TENM3: variants seen among roughly 807,000 people sequenced by gnomAD.
TENM3 encodes the protein teneurin-3.
TENM3 carries 63 observed loss-of-function variants against 255.1 expected under a neutral mutation model. That is an observed-to-expected ratio of 0.25 (90% CI 0.20 to 0.30). TENM3 has a LOEUF of 0.30. TENM3 is among the 10% of genes least tolerant of loss of function. TENM3 has a pLI of 1.00. For synonymous variants in TENM3, 1,306 were observed against 1,322.3 expected, an observed-to-expected ratio of 0.99 and a Z score of 0.27; for missense variants, 2,929 against 3,461.1, an observed-to-expected ratio of 0.85 and a Z score of 3.86.
chr4:182,638,779 A>G (rs1752060176), intron 5 of TENM3, among the ~76,000 whole-genome samples: 1 of 152,098 alleles, frequency 6.6e-6, no homozygotes, highest in South Asian at 2.1e-4. Context: ...TACTTTAGCC[A>G]CTGCCTGATC....
At chr4:181,783,575 A>G in the TENM3 span, among the ~76,000 whole-genome samples, 1 of 152,160 alleles carries the variant, frequency 6.6e-6, no homozygotes, top group Non-Finnish European at 1.5e-5. Context: ...CCCATCCTAA[A>G]AGTTCCATGA....
the TENM3 span, among the ~76,000 whole-genome samples, chr4:182,071,824 A>T: frequency 6.6e-6 from 1 of 152,166 alleles, no homozygotes; most frequent in Non-Finnish European, 1.5e-5. Flanking sequence ...GATGGTTCTT[A>T]ATCACTTCTC....
chr4:181,513,973 T>G, the TENM3 span, among the ~76,000 whole-genome samples: 1 of 152,282 alleles, frequency 6.6e-6, no homozygotes, highest in East Asian at 1.9e-4. Flanking sequence ...TACTAGAAAA[T>G]AATTTTCCAC....
chr4:181,963,164 T>A, the TENM3 span, among the ~76,000 whole-genome samples: 1 of 152,240 alleles, frequency 6.6e-6, no homozygotes. Context: ...TTGGCCATAC[T>A]GCTTCTACAA....
chr4:182,365,945 A>T (rs1766405484), intron 3 of TENM3, among the ~76,000 whole-genome samples: 1 of 152,224 alleles, frequency 6.6e-6, no homozygotes, highest in South Asian at 2.1e-4. Context: ...GTATTTGTGT[A>T]TCTACACCTA....
chr4:182,752,404 G>T (rs974371348), intron 20 of TENM3, among the ~76,000 whole-genome samples: 1 of 152,050 alleles, frequency 6.6e-6, no homozygotes, highest in Non-Finnish European at 1.5e-5. Context: ...ATGAGTCCCA[G>T]GCTTCTTTAA....
chr4:181,809,117 C>T, the TENM3 span, among the ~76,000 whole-genome samples: 1 of 152,150 alleles, frequency 6.6e-6, no homozygotes, highest in Non-Finnish European at 1.5e-5. Context: ...ACAGGAGTGG[C>T]TTCAATGATT....
chr4:182,330,314 C>T (rs1225389707), intron 2 of TENM3, among the ~76,000 whole-genome samples: 2 of 152,098 alleles, frequency 1.3e-5, no homozygotes, highest in Non-Finnish European at 2.9e-5. Context: ...GAAGAGGGGA[C>T]AGTCATGGGG....
the TENM3 span, among the ~76,000 whole-genome samples, chr4:181,558,115 C>T: frequency 6.6e-6 from 1 of 152,174 alleles, no homozygotes; most frequent in East Asian, 1.9e-4. Flanking sequence ...TGCCTGAGTA[C>T]TATTGAGAAA....
At chr4:181,841,520 T>C in the TENM3 span, among the ~76,000 whole-genome samples, 2 of 152,172 alleles carry the variant, frequency 1.3e-5, no homozygotes, top group African/African-American at 4.8e-5. Flanking sequence ...TATGCTAAAA[T>C]TTATTTTAGA....
At chr4:181,554,496 A>T in the TENM3 span, among the ~76,000 whole-genome samples, 1 of 152,208 alleles carries the variant, frequency 6.6e-6, no homozygotes, top group Non-Finnish European at 1.5e-5. Flanking sequence ...AATTGAGAAG[A>T]TTCAAGAGAA....
chr4:181,595,118 C>A, the TENM3 span, among the ~76,000 whole-genome samples: 37 of 152,212 alleles, frequency 2.4e-4, no homozygotes, highest in South Asian at 2.1e-3. Flanking sequence ...ACCACTTCAC[C>A]CTGCATGATT....
the TENM3 span, among the ~76,000 whole-genome samples, chr4:181,750,225 G>A: frequency 6.6e-6 from 1 of 152,148 alleles, no homozygotes; most frequent in Non-Finnish European, 1.5e-5. Context: ...TTCATGGTTG[G>A]GGGGTAGAAG....
chr4:181,924,170 A>G, the TENM3 span, among the ~76,000 whole-genome samples: 4 of 152,112 alleles, frequency 2.6e-5, no homozygotes, highest in African/African-American at 4.8e-5. Context: ...AAACCAATGG[A>G]TTCCCCAAAT....
intron 3 of TENM3, among the ~76,000 whole-genome samples, chr4:182,562,501 T>G (rs1743301594): frequency 6.6e-6 from 1 of 152,150 alleles, no homozygotes; most frequent in Non-Finnish European, 1.5e-5. Context: ...TGAACTCTGT[T>G]CTTCTCTTAG....
At chr4:182,717,044 A>C (rs571348105) in intron 13 of TENM3, among the ~76,000 whole-genome samples, 24 of 108,420 alleles carry the variant, frequency 2.2e-4, no homozygotes, top group Middle Eastern at 4.6e-3. Flanking sequence ...GAAGTTGCGT[A>C]CCATTCCCGG....
At chr4:182,470,459 A>G (rs1019096426) in intron 3 of TENM3, among the ~76,000 whole-genome samples, 1 of 152,222 alleles carries the variant, frequency 6.6e-6, no homozygotes, top group Admixed American at 6.5e-5. Flanking sequence ...CCTTTGGTTA[A>G]GCATCTGGAC....
At chr4:182,784,763 GT>G (rs1281108223) in intron 24 of TENM3, among the ~76,000 whole-genome samples, 1 of 152,056 alleles carries the variant, frequency 6.6e-6, no homozygotes, top group Non-Finnish European at 1.5e-5. Context: ...CTGGTGTGCC[GT>G]TTTTTAAGCC....
chr4:181,449,679 C>G, the TENM3 span, among the ~76,000 whole-genome samples: 1 of 152,046 alleles, frequency 6.6e-6, no homozygotes, highest in Admixed American at 6.6e-5. Flanking sequence ...CCCAGCTATT[C>G]AGGAGGCTGA....
Sources: gnomAD v4.1 joint callset for allele counts (sites outside exome capture counted in the v4.1 genomes callset) on GRCh38, gnomAD v4.1.1 for gene constraint, MANE v1.5 for transcripts, NCBI Gene and HGNC (gene_info 2026-07-23, HGNC 2026-07-21) for gene names.